PCSK6: variants seen among roughly 807,000 people sequenced by gnomAD.
PCSK6 encodes paired basic amino acid cleaving enzyme 4.
In PCSK6, 85 loss-of-function variants were observed where a neutral mutation model predicts 123.3. The observed-to-expected ratio is 0.69, with a 90% confidence interval of 0.58 to 0.83. PCSK6 has a LOEUF of 0.83. Ranked by LOEUF, PCSK6 falls within the 40% of genes least tolerant of loss-of-function variation. The probability of loss-of-function intolerance (pLI) is 0.00; values close to 1 mark genes in which losing one functional copy is unlikely to be tolerated. For synonymous variants in PCSK6, 508 were observed against 516.0 expected (o/e 0.98, Z 0.21); for missense variants, 1,191 against 1,282.3 (o/e 0.93, Z 1.09).
chr15:101,332,808 G>A (rs766084432), intron 13 of PCSK6, among the ~76,000 whole-genome samples: 9 of 152,230 alleles, frequency 5.9e-5, no homozygotes, highest in Non-Finnish European at 8.8e-5. Flanking sequence ...CACAGGGAGC[G>A]ATGGCCCATG....
intron 1 of PCSK6, among the ~76,000 whole-genome samples, chr15:101,447,762 C>T (rs887935372): frequency 3.3e-5 from 5 of 152,270 alleles, no homozygotes; most frequent in Admixed American, 1.3e-4. Flanking sequence ...GCTGTGGCCT[C>T]GGACGGTGTC....
chr15:101,463,445 A>G (rs1390603319), intron 1 of PCSK6, among the ~76,000 whole-genome samples: 2 of 152,092 alleles, frequency 1.3e-5, no homozygotes, highest in Non-Finnish European at 2.9e-5. Context: ...TGCTGCTACC[A>G]GTTCCTGGTG....
At chr15:101,400,458 G>A (rs777937686) in intron 6 of PCSK6, among the ~76,000 whole-genome samples, 3 of 152,156 alleles carry the variant, frequency 2.0e-5, no homozygotes, top group Non-Finnish European at 4.4e-5. Flanking sequence ...ACATCAACAC[G>A]TAGTGCATAC....
intron 20 of PCSK6, chr15:101,312,303 A>G: frequency 6.6e-6 from 1 of 152,090 alleles, no homozygotes; most frequent in Non-Finnish European, 1.5e-5. Flanking sequence ...GGCAATATTC[A>G]GCCAGAAAAG....
chr15:101,346,910 C>T (rs2040746170), intron 13 of PCSK6: 2 of 1,231,672 alleles, frequency 1.6e-6, no homozygotes, highest in South Asian at 8.2e-5. Context: ...GGGATACATA[C>T]TTCTTTTTTT....
At position 101,346,897 on chromosome 15, in the gene PCSK6, G is replaced by A. The variant is rs1026301673; in HGVS notation, c.1859-14866C>T. 95 of 1,231,630 alleles carry A rather than the reference G, an allele frequency of 7.7e-5. No homozygotes were observed. In the African/African-American group the frequency reaches 1.4e-3, roughly 18 times the overall value. 76.3% of individuals were successfully genotyped at this position (1,231,630 alleles called of 1,614,324 possible). A position where few individuals can be genotyped will look rare whatever the true frequency, so the allele number is the denominator to read the frequency against. Reference sequence around the variant, plus strand: ...TTGGTTGCATTTCTCCCCGAGATAAGTGGGGATACATACTTCTTTTTTTCT... The same window carrying A: ...TTGGTTGCATTTCTCCCCGAGATAAATGGGGATACATACTTCTTTTTTTCT... On this transcript the variant is annotated intron_variant, in intron 13 of 21. Transcript: ENST00000611716.
At chr15:101,313,608 G>A in intron 19 of PCSK6, 103 bp from the exon 20 acceptor site, 1 of 1,472,184 alleles carries the variant, frequency 6.8e-7, no homozygotes, top group Non-Finnish European at 9.0e-7. Context: ...CCATTCAGGA[G>A]CCCCCAGGCC....
At chr15:101,452,244 G>A (rs1400951500) in intron 1 of PCSK6, among the ~76,000 whole-genome samples, 1 of 152,130 alleles carries the variant, frequency 6.6e-6, no homozygotes, top group Non-Finnish European at 1.5e-5. Context: ...CAAACCAAAT[G>A]GTCCGGCTTC....
chr15:101,458,774 C>A (rs938776749), intron 1 of PCSK6, among the ~76,000 whole-genome samples: 3 of 152,218 alleles, frequency 2.0e-5, no homozygotes, highest in Non-Finnish European at 4.4e-5. Flanking sequence ...TGCGACGCGT[C>A]TAATTACTCA....
chr15:101,358,578 G>C (rs537807881), intron 13 of PCSK6, among the ~76,000 whole-genome samples: 16 of 152,360 alleles, frequency 1.1e-4, no homozygotes, highest in Admixed American at 1.0e-3. Context: ...ATAGCATCTG[G>C]CACATGGCAG....
At chr15:101,463,425 G>C (rs1214565406) in intron 1 of PCSK6, among the ~76,000 whole-genome samples, 2 of 152,108 alleles carry the variant, frequency 1.3e-5, no homozygotes, top group Non-Finnish European at 2.9e-5. Context: ...GCCAAGCGTT[G>C]CAACAATTCT....
At chr15:101,489,319 C>A in intron 1 of PCSK6, 55 bp downstream of exon 1, 1 of 1,075,034 alleles carries the variant, frequency 9.3e-7, no homozygotes, top group South Asian at 3.2e-5. Context: ...GCCCCCCTCG[C>A]GCGCGCCGGA....
chr15:101,341,246 G>GT (rs2040599314), intron 13 of PCSK6, among the ~76,000 whole-genome samples: 1 of 128,392 alleles, frequency 7.8e-6, no homozygotes, highest in African/African-American at 3.2e-5. Flanking sequence ...CAAAAGTGTG[G>GT]GGTTTTTTTT....
intron 16 of PCSK6, 60 bp from the exon 17 acceptor site, chr15:101,325,106 G>C: frequency 7.7e-7 from 1 of 1,295,832 alleles, no homozygotes; most frequent in South Asian, 1.4e-5. Flanking sequence ...CCCCAGGCCT[G>C]CCCCTTTGTT....
intron 1 of PCSK6, among the ~76,000 whole-genome samples, chr15:101,458,233 G>A (rs1204269143): frequency 2.0e-5 from 3 of 152,224 alleles, no homozygotes; most frequent in Admixed American, 6.5e-5. Context: ...TTCTAGGTTG[G>A]TGGGCACAGG....
intron 9 of PCSK6, among the ~76,000 whole-genome samples, chr15:101,388,270 T>C (rs530069131): frequency 6.6e-6 from 1 of 152,346 alleles, no homozygotes; most frequent in Admixed American, 6.5e-5. Flanking sequence ...ATTGGTAGCA[T>C]TTGAGTGTTA....
chr15:101,357,665 G>T (rs1273426054), intron 13 of PCSK6, among the ~76,000 whole-genome samples: 1 of 152,252 alleles, frequency 6.6e-6, no homozygotes, highest in Non-Finnish European at 1.5e-5. Context: ...ACCTGGCGTG[G>T]CCTCACAGGC....
At chr15:101,354,946 T>C (rs750146065) in intron 13 of PCSK6, among the ~76,000 whole-genome samples, 18 of 152,266 alleles carry the variant, frequency 1.2e-4, no homozygotes, top group African/African-American at 3.6e-4. Context: ...CCTGATTCTA[T>C]ACTGATTTGT....
intron 9 of PCSK6, among the ~76,000 whole-genome samples, chr15:101,388,897 G>A (rs918237810): frequency 6.6e-6 from 1 of 152,184 alleles, no homozygotes; most frequent in African/African-American, 2.4e-5. Context: ...GGCTAGGGCG[G>A]GGGGTCAATG....
Sources: allele counts gnomAD v4.1 joint callset (sites outside exome capture counted in the v4.1 genomes callset), GRCh38; gene constraint gnomAD v4.1.1; transcripts MANE v1.5; gene names NCBI Gene and HGNC (gene_info 2026-07-23, HGNC 2026-07-21).